ASAH2: variants seen among roughly 807,000 people sequenced by gnomAD.
ASAH2 encodes neutral ceramidase.
A neutral mutation model predicts 82.9 loss-of-function variants in ASAH2; 58 were observed. That is an observed-to-expected ratio of 0.70 (90% CI 0.57 to 0.87). ASAH2 has a LOEUF of 0.87. ASAH2 is among the 40% of genes least tolerant of loss of function. The pLI is 0.00. For synonymous variants in ASAH2, 276 were observed against 289.7 expected (o/e 0.95, Z 0.48); for missense variants, 779 against 834.0 (o/e 0.93, Z 0.81).
At chr10:50,211,347 G>A (rs569827264) in intron 10 of ASAH2, among the ~76,000 whole-genome samples, 18 of 152,238 alleles carry the variant, frequency 1.2e-4, no homozygotes, top group African/African-American at 4.3e-4. Context: ...CGAGGCTGTT[G>A]ACCTGTATCA....
intron 7 of ASAH2, among the ~76,000 whole-genome samples, chr10:50,230,206 A>T (rs1173479384): frequency 1.3e-5 from 2 of 152,280 alleles, no homozygotes; most frequent in East Asian, 3.9e-4. Context: ...TGAATGAAAA[A>T]CTGAAAACAA....
chr10:50,234,494 T>C lies in ASAH2; in HGVS notation c.746A>G (p.Asn249Ser), dbSNP rs1846098189. ...TCTGTTGATCTGCACACCATCCACA[T>C]TTCCTTTATTGATGAAGATTTTGCC... ...KPGKIFINKGNVDGVQINRSP... is the reference protein window; with the variant it reads ...KPGKIFINKGSVDGVQINRSP... The change falls in exon 6 of 21, where the codon AAT (asparagine) becomes AGT (serine). Residue 249 changes from asparagine to serine, a missense_variant. Physicochemically the swap from Asn to Ser is conservative, Grantham distance 46. This residue lies in a region of ASAH2 where 759 missense variants were observed against 755.2 expected (regional missense o/e 1.00). Transcript: ENST00000682911. 1.2e-6 allele frequency: 2 copies of C among 1,612,978 alleles called. No homozygotes were observed. The highest frequency in any genetic ancestry group is 1.7e-5 in the Admixed American group (1 of 59,916).
At chr10:50,230,495 G>A (rs1005277949) in intron 7 of ASAH2, among the ~76,000 whole-genome samples, 1 of 152,060 alleles carries the variant, frequency 6.6e-6, no homozygotes, top group Non-Finnish European at 1.5e-5. Context: ...CATTTTTAAC[G>A]TATTCAAAGA....
intron 6 of ASAH2, among the ~76,000 whole-genome samples, chr10:50,233,851 A>G (rs1589350523): frequency 6.6e-6 from 1 of 152,120 alleles, no homozygotes. Context: ...AAAAAAAGAC[A>G]AAAAGGCAAA....
In ASAH2 at chr10:50,214,791, G is replaced by A; in HGVS notation, c.1092C>T (p.Asn364=). 1 of 1,613,784 alleles carries A rather than the reference G, an allele frequency of 6.2e-7. No homozygotes were observed. The highest frequency in any genetic ancestry group is 8.5e-7 in the Non-Finnish European group (1 of 1,179,712). Residue 364 remains asparagine, a synonymous_variant, in exon 9 of 21, where the codon AAC becomes AAT. Transcript: ENST00000682911. ...TGGCGTTATCACAGGACTCTCCTGT[G>A]TTGATGCAACGTGGTCCAAGAATGT... ...SPNILGPRCI[N]TGESCDNANS...
intron 16 of ASAH2, among the ~76,000 whole-genome samples, chr10:50,201,875 C>T (rs1845159036): frequency 6.6e-6 from 1 of 151,974 alleles, no homozygotes; most frequent in Non-Finnish European, 1.5e-5. Flanking sequence ...TATAAAATAG[C>T]AATAAGAGTA....
At position 50,248,402 on chromosome 10, in the gene ASAH2, G is replaced by A. The variant is rs1455081018; in HGVS notation, c.127+82C>T. 8 of 1,525,334 alleles carry A rather than the reference G, an allele frequency of 5.2e-6. No individual in the cohort carries two copies. In the East Asian group the frequency reaches 1.1e-4, roughly 22 times the overall value. 94.5% of individuals were successfully genotyped at this position (1,525,334 alleles called of 1,614,324 possible). A position where few individuals can be genotyped will look rare whatever the true frequency, so the allele number is the denominator to read the frequency against. Reference sequence around the variant, plus strand: ...ACACGTAGAACTATCAGCAGACACTGTTTTTCTCTTTGGTGTCCACAGTAA... The same window carrying A: ...ACACGTAGAACTATCAGCAGACACTATTTTTCTCTTTGGTGTCCACAGTAA... On this transcript the variant is annotated intron_variant, in intron 2 of 20. Transcript: ENST00000682911.
At chr10:50,225,949 C>T (rs954130911) in intron 7 of ASAH2, among the ~76,000 whole-genome samples, 3 of 151,854 alleles carry the variant, frequency 2.0e-5, no homozygotes, top group East Asian at 1.9e-4. Flanking sequence ...AAAAATTAGC[C>T]GGGTGTGGTA....
In ASAH2 at chr10:50,210,743, C is replaced by T. The variant is rs1020441883; in HGVS notation, c.1414+80G>A. ...GTTTAAAAATTAATAAATGTATTGG[C>T]TACAATGAAACCTGATCAGAGAACA... is the stretch of plus-strand genomic sequence containing the variant. On this transcript the variant is annotated intron_variant, in intron 12 of 20. Transcript: ENST00000682911. 2.3e-3 allele frequency: 2,720 copies of T among 1,201,588 alleles called. 21 individuals carry two copies. Among genetic ancestry groups the T allele is most frequent in the Admixed American group, 0.013 (737 of 58,676 alleles). The allele number at this position is 1,201,588 out of a possible 1,614,324, so 74.4% of individuals were successfully genotyped here.
At chr10:50,246,153 C>A (rs1846452547) in intron 2 of ASAH2, among the ~76,000 whole-genome samples, 1 of 152,010 alleles carries the variant, frequency 6.6e-6, no homozygotes, top group African/African-American at 2.4e-5. Context: ...TCAAGGGAAG[C>A]AGAATGACAT....
chr10:50,227,135 G>A (rs1329215818), intron 7 of ASAH2, among the ~76,000 whole-genome samples: 1 of 152,124 alleles, frequency 6.6e-6, no homozygotes, highest in Middle Eastern at 3.4e-3. Context: ...GATTGTCAGA[G>A]TACAAAAGAA....
intron 4 of ASAH2, among the ~76,000 whole-genome samples, chr10:50,241,328 A>T (rs1846287480): frequency 6.6e-6 from 1 of 152,226 alleles, no homozygotes; most frequent in African/African-American, 2.4e-5. Context: ...GACAATTACT[A>T]TCCCACTGTA....
intron 4 of ASAH2, among the ~76,000 whole-genome samples, chr10:50,238,490 C>T (rs1398827396): frequency 6.6e-6 from 1 of 152,184 alleles, no homozygotes; most frequent in African/African-American, 2.4e-5. Flanking sequence ...TTGGTCCTAA[C>T]TCCAGCCCCA....
rs759589311 is a variant in ASAH2 at position 50,210,992 on chromosome 10, C to T, written c.1332+38G>A. 5.1e-5 allele frequency: 82 copies of T among 1,600,554 alleles called. No individual in the cohort carries two copies. In the South Asian group the frequency reaches 8.8e-4, roughly 17 times the overall value. ...ATAATGAGATCAAACCAAAACTTCA[C>T]CCTTGGGGCATAACCAGTGTGTCTC... On this transcript the variant is annotated intron_variant, in intron 11 of 20. Coordinates refer to ENST00000682911, the MANE Select transcript of ASAH2 (RefSeq NM_019893.4).
At chr10:50,242,854 T>C (rs939533913) in intron 4 of ASAH2, among the ~76,000 whole-genome samples, 2 of 152,154 alleles carry the variant, frequency 1.3e-5, no homozygotes, top group Admixed American at 6.5e-5. Context: ...AAGTGCTTAG[T>C]GATTAATGGG....
chr10:50,227,572 C>G (rs1210125718), intron 7 of ASAH2, among the ~76,000 whole-genome samples: 1 of 151,904 alleles, frequency 6.6e-6, no homozygotes, highest in African/African-American at 2.4e-5. Context: ...TTCCTTTCTA[C>G]TTTCTTTATT....
intron 10 of ASAH2, among the ~76,000 whole-genome samples, chr10:50,211,495 C>T (rs2133207061): frequency 6.6e-6 from 1 of 152,192 alleles, no homozygotes; most frequent in South Asian, 2.1e-4. Flanking sequence ...GAGAGTGTAT[C>T]TTTGTGTGTT....
rs1166677154 is a variant in ASAH2, at chr10:50,187,248, C to T, written c.*67G>A. 360 of 77,614 alleles carry T rather than the reference C, an allele frequency of 4.6e-3. 1 individual carries two copies. Among genetic ancestry groups the T allele is most frequent in the African/African-American group, 0.017 (347 of 20,098 alleles). The allele number at this position is 77,614 out of a possible 1,614,324, so 4.8% of individuals were successfully genotyped here. On this transcript the variant is annotated 3_prime_UTR_variant, in exon 21 of 21. Transcript: ENST00000682911. ...ACATGGTAGTTCACTAGTTCACATT[C>T]ATTTGAAATCACTTATATAATGTGT...
intron 7 of ASAH2, among the ~76,000 whole-genome samples, chr10:50,227,760 A>G (rs1845927423): frequency 6.6e-6 from 1 of 152,058 alleles, no homozygotes; most frequent in Non-Finnish European, 1.5e-5. Flanking sequence ...TAAACTTGGG[A>G]CAATTTAAAC....
Sources: gnomAD v4.1 joint callset for allele counts (sites outside exome capture counted in the v4.1 genomes callset) on GRCh38, gnomAD v4.1.1 for gene constraint, gnomAD v4.1.1 regional missense constraint, MANE v1.5 for transcripts, NCBI Gene and HGNC (gene_info 2026-07-23, HGNC 2026-07-21) for gene names.